NPRL3: variants seen among roughly 807,000 people sequenced by gnomAD.
NPRL3 encodes GATOR1 complex protein NPRL3.
Under a neutral mutation model 57.2 loss-of-function variants are expected in NPRL3, and 23 were observed. The ratio of observed to expected loss-of-function variants is 0.40; its 90% CI spans 0.29 to 0.57. The LOEUF is 0.57. NPRL3 is among the 20% of genes least tolerant of loss of function. The pLI is 0.42. For missense variants in NPRL3, 691 were observed against 767.1 expected (o/e 0.90, Z 1.17); for synonymous variants, 333 against 321.1 (o/e 1.04, Z -0.39).
rs1898841297 is a variant in NPRL3, at chr16:93,267, A to G, written c.983T>C (p.Leu328Pro). The G allele has an allele frequency of 6.4e-7, 1 of 1,561,212 alleles. No individual in the cohort carries two copies. ...YWGKAIIIYP[L>P]CENNVYMLSP... ...CAGCATGTAGACGTTGTTCTCACAC[A>G]GCGGGTAGATGATGATGGCCTTGCC... The change falls in exon 10 of 14, where the codon CTG becomes CCG. Residue 328 changes from leucine to proline, a missense_variant. Coordinates refer to ENST00000611875, the MANE Select transcript of NPRL3 (RefSeq NM_001077350.3).
chr16:90,054 C>T (rs946703886), intron 11 of NPRL3, 152 bp from the exon 12 acceptor site: 2 of 726,254 alleles, frequency 2.8e-6, no homozygotes, highest in Non-Finnish European at 4.3e-6. Context: ...GAGCCCCCAG[C>T]TGCCAGCCAG....
At chr16:99,748 G>A (rs1287693207) in intron 8 of NPRL3, among the ~76,000 whole-genome samples, 2 of 151,498 alleles carry the variant, frequency 1.3e-5, no homozygotes, top group Admixed American at 6.6e-5. Flanking sequence ...TGGCCAACAT[G>A]GTGAAACCCT....
chr16:89,739 G>T lies in NPRL3; in HGVS notation c.1325C>A (p.Pro442His). 1 of 1,592,804 alleles carries T rather than the reference G, an allele frequency of 6.3e-7. No homozygotes were observed. The highest frequency in any genetic ancestry group is 8.5e-7 in the Non-Finnish European group (1 of 1,173,060). The part of the protein sequence containing the change: ...ARVGGRSLST[P>H]NALSFGSPTS... ...TGGGGAGCCAAAGCTGAGGGCGTTG[G>T]GCGTGCTGAGGCTGCGACCGCCGAC... Residue 442 changes from proline (P) to histidine (H), a missense_variant, in exon 12 of 14, where the codon CCC (proline) becomes CAC (histidine). Transcript: ENST00000611875.
intron 12 of NPRL3, 55 bp downstream of exon 12, chr16:89,658 A>C: frequency 7.0e-7 from 1 of 1,424,610 alleles, no homozygotes; most frequent in Non-Finnish European, 9.1e-7. Context: ...AGCCTCCTGG[A>C]TGCCACCCCC....
At chr16:97,410 A>T (rs1442169963) in intron 9 of NPRL3, among the ~76,000 whole-genome samples, 25 of 115,058 alleles carry the variant, frequency 2.2e-4, no homozygotes, top group East Asian at 1.8e-3. Flanking sequence ...ACACCCAGCT[A>T]TTTTTTTTTT....
chr16:128,755 G>C lies in NPRL3; in HGVS notation c.188+1767C>G, dbSNP rs527279583. Reference sequence around the variant, plus strand: ...TGCACTCCAGCCTGGGTGACAGAGCGAGACTCCGTCTCAAAAAAAAAAAAA... The same window carrying C: ...TGCACTCCAGCCTGGGTGACAGAGCCAGACTCCGTCTCAAAAAAAAAAAAA... On this transcript the variant is annotated intron_variant, in intron 3 of 13. Transcript: ENST00000611875. Among the ~76,000 whole-genome samples the C allele has an allele frequency of 2.0e-5, 3 of 151,952 alleles. No homozygotes were observed. In the East Asian group the frequency reaches 5.8e-4, roughly 29 times the overall value.
At position 92,736 on chromosome 16, in the gene NPRL3, G is replaced by A. The variant is rs1211075591; in HGVS notation, c.1032-11C>T. 6.2e-7 allele frequency: 1 copy of A among 1,612,858 alleles called. No homozygotes were observed. Among genetic ancestry groups the A allele is most frequent in the Non-Finnish European group, 8.5e-7 (1 of 1,179,404 alleles). On this transcript the variant is annotated splice_polypyrimidine_tract_variant and intron_variant, in intron 10 of 13. Coordinates refer to ENST00000611875, the MANE Select transcript of NPRL3 (RefSeq NM_001077350.3). ...GCCAGCGGGGAGTACCTGCAGGCAG[G>A]TGAGCATGCCAGTGAGTGCAGCAGA...
intron 8 of NPRL3, among the ~76,000 whole-genome samples, chr16:98,845 G>A (rs562725583): frequency 6.6e-6 from 1 of 152,364 alleles, no homozygotes; most frequent in African/African-American, 2.4e-5. Flanking sequence ...GGCTGAGGCA[G>A]GAGAATCACT....
intron 7 of NPRL3, among the ~76,000 whole-genome samples, chr16:107,595 A>C (rs1899592362): frequency 2.8e-4 from 1 of 3,612 alleles, no homozygotes. Flanking sequence ...ATTCCATCTC[A>C]AAAAAAAAAA....
intron 3 of NPRL3, among the ~76,000 whole-genome samples, chr16:119,617 G>A (rs1567142939): frequency 6.6e-6 from 1 of 152,208 alleles, no homozygotes; most frequent in Non-Finnish European, 1.5e-5. Context: ...ACAGGCAGAG[G>A]GGCCTCTCCC....
rs1295202027 is a variant in NPRL3 at position 89,816 on chromosome 16, G to C, written c.1248C>G (p.Pro416=). ...LHTYVCLMAS[P]SEEEPRPRED... ...CTCGCGGACGGGGCTCCTCCTCGCT[G>C]GGTGAGGCCATCAGGCAGACATAGG... Residue 416 remains proline, a synonymous_variant, in exon 12 of 14, where the codon CCC becomes CCG. Coordinates refer to ENST00000611875, the MANE Select transcript of NPRL3 (RefSeq NM_001077350.3). The C allele has an allele frequency of 6.3e-7, 1 of 1,592,498 alleles. No individual in the cohort carries two copies.
chr16:111,560 C>T (rs1020679742), intron 6 of NPRL3, among the ~76,000 whole-genome samples: 3 of 151,866 alleles, frequency 2.0e-5, no homozygotes, highest in Non-Finnish European at 4.4e-5. Flanking sequence ...GGTGATTCTC[C>T]CACCTCAGCA....
chr16:88,385 C>A (rs1898593029), intron 13 of NPRL3, among the ~76,000 whole-genome samples: 1 of 36,970 alleles, frequency 2.7e-5, no homozygotes. Context: ...GAGACTCCGT[C>A]TCAAAAAAAA....
At chr16:103,717 C>T (rs1188615976) in intron 7 of NPRL3, among the ~76,000 whole-genome samples, 5 of 152,204 alleles carry the variant, frequency 3.3e-5, no homozygotes, top group African/African-American at 1.2e-4. Flanking sequence ...TGGCGGCTCA[C>T]GCCTGTAATC....
chr16:130,585 G>C lies in NPRL3; in HGVS notation c.125C>G (p.Pro42Arg). The C allele has an allele frequency of 1.3e-6, 2 of 1,554,276 alleles. No individual in the cohort carries two copies. The highest frequency in any genetic ancestry group is 1.7e-6 in the Non-Finnish European group (2 of 1,148,518). Reference protein sequence around the residue: ...QEHPASQTSKPRSRYAASNTG... With the variant: ...QEHPASQTSKRRSRYAASNTG... ...GTTGCTGGCAGCGTATCTGCTACGC[G>C]GCTTACCTGAGTCGGGGCGAAAAGA... is the stretch of plus-strand genomic sequence containing the variant. The change falls in exon 3 of 14, where the codon CCG becomes CGG. Residue 42 changes from proline to arginine, a missense_variant. By Grantham distance (103) the Pro-to-Arg change is moderately radical. Coordinates refer to ENST00000611875, the MANE Select transcript of NPRL3 (RefSeq NM_001077350.3).
rs2239299 is a variant in NPRL3, at chr16:89,638, A to G, written c.1351+75T>C. 1,322,316 of 1,354,662 alleles carry G rather than the reference A, an allele frequency of 0.98. 646,480 individuals carry two copies. The highest frequency in any genetic ancestry group is 0.99 in the Admixed American group (32,061 of 32,384). 83.9% of individuals were successfully genotyped at this position (1,354,662 alleles called of 1,614,324 possible). A position where few individuals can be genotyped will look rare whatever the true frequency, so the allele number is the denominator to read the frequency against. ...GAGGCCCCTCATCACTCACAGCACC[A>G]CCCACGTTGAGCCTCCTGGATGCCA... On this transcript the variant is annotated intron_variant, in intron 12 of 13. Coordinates refer to ENST00000611875, the MANE Select transcript of NPRL3 (RefSeq NM_001077350.3).
chr16:109,487 C>T (rs1307768741), intron 7 of NPRL3, among the ~76,000 whole-genome samples: 2 of 152,118 alleles, frequency 1.3e-5, no homozygotes, highest in Admixed American at 6.5e-5. Context: ...GAAGGTGGCC[C>T]AGCACTTGGT....
At chr16:87,565 G>C (rs893024718) in intron 13 of NPRL3, among the ~76,000 whole-genome samples, 1 of 138,342 alleles carries the variant, frequency 7.2e-6, no homozygotes, top group Admixed American at 7.8e-5. Context: ...ACGGAGTCTC[G>C]CTCTGCTGCC....
intron 11 of NPRL3, among the ~76,000 whole-genome samples, chr16:91,858 G>A (rs1376194365): frequency 6.6e-6 from 1 of 152,254 alleles, no homozygotes; most frequent in Admixed American, 6.5e-5. Context: ...GCCCTGCTCT[G>A]AGTCTCTGCC....
Sources: allele counts gnomAD v4.1 joint callset (sites outside exome capture counted in the v4.1 genomes callset), GRCh38; gene constraint gnomAD v4.1.1; transcripts MANE v1.5; gene names NCBI Gene and HGNC (gene_info 2026-07-23, HGNC 2026-07-21).